Variants in SHANK2 observed in about 807,000 individuals in gnomAD.
The protein encoded by SHANK2 is SH3 and multiple ankyrin repeat domains protein 2.
Under a neutral mutation model 133.7 loss-of-function variants are expected in SHANK2, and 43 were observed. That is an observed-to-expected ratio of 0.32 (90% CI 0.25 to 0.41). The LOEUF is 0.41. Among genes scored for constraint, SHANK2 ranks in the 10% least tolerant of loss-of-function variants. SHANK2 has a pLI of 1.00. For synonymous variants in SHANK2, 1,017 were observed against 952.8 expected (o/e 1.07, Z -1.24); for missense variants, 1,994 against 2,235.8 (o/e 0.89, Z 2.18).
chr11:70,902,625 T>C (rs1950039973), intron 10 of SHANK2, among the ~76,000 whole-genome samples: 2 of 152,210 alleles, frequency 1.3e-5, no homozygotes, highest in South Asian at 4.1e-4. Context: ...GCGGCATCGA[T>C]GGCTGAAGTT....
intron 17 of SHANK2, among the ~76,000 whole-genome samples, chr11:70,536,869 T>C (rs563661253): frequency 1.3e-5 from 2 of 152,306 alleles, no homozygotes; most frequent in South Asian, 4.1e-4. Flanking sequence ...CTGTGGTACA[T>C]GGCTGGTCTG....
intron 11 of SHANK2, chr11:70,863,176 A>ACT: frequency 2.7e-6 from 1 of 367,148 alleles, no homozygotes; most frequent in South Asian, 2.0e-5. Flanking sequence ...GCCAGACAGC[A>ACT]GGTGAGAGAG....
At chr11:71,072,582 T>C (rs1688671760) in intron 9 of SHANK2, among the ~76,000 whole-genome samples, 1 of 152,238 alleles carries the variant, frequency 6.6e-6, no homozygotes, top group African/African-American at 2.4e-5. Flanking sequence ...AACACATGGT[T>C]GCATCTATGC....
rs1591493964 is a variant in SHANK2, at chr11:70,490,145, C to T, written c.2551+131G>A. On this transcript the variant is annotated intron_variant, in intron 23 of 25. Coordinates refer to ENST00000601538, the MANE Select transcript of SHANK2 (RefSeq NM_012309.5). ...AGGTTCCCACCCTCTGGTGGGTGGG[C>T]TGGCAGGGCCTTGCTGGGGTGGGAC... 19 of 741,330 alleles carry T rather than the reference C, an allele frequency of 2.6e-5. 1 individual carries two copies. The highest frequency in any genetic ancestry group is 7.1e-4 in the Middle Eastern group (2 of 2,808). The allele number at this position is 741,330 out of a possible 1,614,324, so 45.9% of individuals were successfully genotyped here.
chr11:71,091,680 C>T (rs138623334), intron 8 of SHANK2, among the ~76,000 whole-genome samples: 15 of 152,226 alleles, frequency 9.9e-5, no homozygotes, highest in African/African-American at 3.4e-4. Flanking sequence ...TCTGGCAGGG[C>T]TCAGCCAAGA....
At position 70,487,400 on chromosome 11, in the gene SHANK2, C is replaced by T; in HGVS notation, c.2893G>A (p.Asp965Asn). Reference sequence around the variant, plus strand: ...GGGCCGGCATTCCGACTGTAGAGGTCTTCAGAGTCCAAGGAGTAGCGGTCC... The same window carrying T: ...GGGCCGGCATTCCGACTGTAGAGGTTTTCAGAGTCCAAGGAGTAGCGGTCC... Reference protein sequence around the residue: ...ELDRYSLDSEDLYSRNAGPQA... With the variant: ...ELDRYSLDSENLYSRNAGPQA... Residue 965 changes from aspartate to asparagine, a missense_variant, in exon 25 of 26, where the codon GAC becomes AAC. Coordinates refer to ENST00000601538, the MANE Select transcript of SHANK2 (RefSeq NM_012309.5). This position sits in a 1 kb window ranked among gnomAD's most constrained non-coding sequence, Gnocchi z 5.8. 6.2e-7 allele frequency: 1 copy of T among 1,614,144 alleles called. No homozygotes were observed. The highest frequency in any genetic ancestry group is 8.5e-7 in the Non-Finnish European group (1 of 1,180,038).
chr11:70,489,039 T>TAATTTATTTCAA, intron 24 of SHANK2: 1 of 419,186 alleles, frequency 2.4e-6, no homozygotes, highest in Non-Finnish European at 4.4e-6. Context: ...TTCAAAGAGG[T>TAATTTATTTCAA]AGCAAAATAA....
intron 15 of SHANK2, among the ~76,000 whole-genome samples, chr11:70,692,167 A>G (rs1300494706): frequency 2.0e-5 from 3 of 152,192 alleles, no homozygotes; most frequent in Non-Finnish European, 4.4e-5. Flanking sequence ...ATAATGGCGG[A>G]GGAAGAATGA....
intron 17 of SHANK2, among the ~76,000 whole-genome samples, chr11:70,658,986 T>C (rs1555012439): frequency 6.6e-6 from 1 of 151,924 alleles, no homozygotes; most frequent in Admixed American, 6.6e-5. Context: ...ACTGAACCTT[T>C]AAAATATCAT....
chr11:70,657,941 G>T lies in SHANK2; in HGVS notation c.2061+1887C>A, dbSNP rs1453824033. On this transcript the variant is annotated intron_variant, in intron 17 of 25. Transcript: ENST00000601538. ...ACAGCTACATCTTCTAACCCACTGAGGCTCCGCTCACTGGGCAAGTGCAGG... is the reference window on the plus strand; with the variant it reads ...ACAGCTACATCTTCTAACCCACTGATGCTCCGCTCACTGGGCAAGTGCAGG... Among the ~76,000 whole-genome samples the T allele has an allele frequency of 2.0e-5, 3 of 152,158 alleles. No homozygotes were observed. The East Asian group carries it at 5.8e-4, about 29-fold the overall frequency.
At chr11:70,740,406 T>C (rs1161582891) in intron 14 of SHANK2, among the ~76,000 whole-genome samples, 1 of 152,186 alleles carries the variant, frequency 6.6e-6, no homozygotes, top group Non-Finnish European at 1.5e-5. Flanking sequence ...CTCTGCTCTG[T>C]GTCTCTGTGG....
intron 10 of SHANK2, among the ~76,000 whole-genome samples, chr11:70,953,030 C>T (rs747975070): frequency 5.9e-5 from 9 of 152,078 alleles, no homozygotes; most frequent in African/African-American, 1.2e-4. Flanking sequence ...CCAATCCCAC[C>T]GCCTCCACCT....
intron 14 of SHANK2, among the ~76,000 whole-genome samples, chr11:70,775,198 C>T (rs1357753089): frequency 1.3e-5 from 2 of 152,180 alleles, no homozygotes; most frequent in Non-Finnish European, 2.9e-5. Context: ...TGGCTCAGGC[C>T]TCTAATCCCA....
chr11:70,919,902 T>A (rs1255570137), intron 10 of SHANK2, among the ~76,000 whole-genome samples: 1 of 152,202 alleles, frequency 6.6e-6, no homozygotes, highest in Non-Finnish European at 1.5e-5. Flanking sequence ...TCCATGGATG[T>A]CTTTTAAATA....
At chr11:70,537,476 G>C (rs1254945396) in intron 17 of SHANK2, among the ~76,000 whole-genome samples, 1 of 152,244 alleles carries the variant, frequency 6.6e-6, no homozygotes, top group Non-Finnish European at 1.5e-5. Flanking sequence ...GATGAAGTCA[G>C]AGACAGGATG....
rs1358398214 is a variant in SHANK2, at chr11:70,807,808, T to C, written c.1494-637A>G. Reference sequence around the variant, plus strand: ...CTGCACCATTGCACTCCAGCCTGGGTGACAGAGTGAGACTCTGTCTCCAAA... The same window carrying C: ...CTGCACCATTGCACTCCAGCCTGGGCGACAGAGTGAGACTCTGTCTCCAAA... On this transcript the variant is annotated intron_variant, in intron 12 of 25. Coordinates refer to ENST00000601538, the MANE Select transcript of SHANK2 (RefSeq NM_012309.5). This position sits in a 1 kb window ranked among gnomAD's most constrained non-coding sequence, Gnocchi z 4.8. 6.6e-6 allele frequency among the ~76,000 whole-genome samples: 1 copy of C among 151,630 alleles called. No individual in the cohort carries two copies. Among genetic ancestry groups the C allele is most frequent in the African/African-American group, 2.4e-5 (1 of 41,190 alleles).
At position 70,479,347 on chromosome 11, in the gene SHANK2, G is replaced by A. The variant is rs1355138303; in HGVS notation, c.4980-5908C>T. On this transcript the variant is annotated intron_variant, in intron 25 of 25. Transcript: ENST00000601538. The surrounding 1 kb of genome is among the most constrained non-coding windows in gnomAD (Gnocchi z 4.4). ...CCCAAAGTTATTTGAAAATCAAGAG[G>A]CTGTCAGGATAATACTGCAGAGAGC... Among the ~76,000 whole-genome samples, 2 of 152,202 alleles carry A rather than the reference G, an allele frequency of 1.3e-5. No individual in the cohort carries two copies. The highest frequency in any genetic ancestry group is 4.8e-5 in the African/African-American group (2 of 41,454).
At chr11:70,624,839 G>A (rs1488270094) in intron 17 of SHANK2, among the ~76,000 whole-genome samples, 4 of 152,188 alleles carry the variant, frequency 2.6e-5, no homozygotes, top group Admixed American at 6.5e-5. Context: ...CTGGCAGGGC[G>A]GCTCTGCGAA....
At chr11:70,851,382 G>C (rs782353019) in intron 11 of SHANK2, among the ~76,000 whole-genome samples, 1 of 152,186 alleles carries the variant, frequency 6.6e-6, no homozygotes, top group Non-Finnish European at 1.5e-5. Context: ...CTTAAGAAGG[G>C]AGCTGTGTGA....
Sources: gnomAD v4.1 joint callset for allele counts (sites outside exome capture counted in the v4.1 genomes callset) on GRCh38, gnomAD v4.1.1 for gene constraint, Gnocchi (gnomAD v3.1) non-coding constraint, MANE v1.5 for transcripts, NCBI Gene and HGNC (gene_info 2026-07-23, HGNC 2026-07-21) for gene names.